The following OLFM2 variants were observed in gnomAD, a reference collection of about 807,000 sequenced individuals.
The protein encoded by OLFM2 is noelin-2.
Under a neutral mutation model 43.9 loss-of-function variants are expected in OLFM2, and 20 were observed. The observed-to-expected ratio is 0.46, with a 90% CI of 0.32 to 0.66. The LOEUF (loss-of-function observed/expected upper bound fraction) is 0.66, where lower values mean the gene tolerates loss of function less well. Among genes scored for constraint, OLFM2 ranks in the 30% least tolerant of loss-of-function variants. The pLI is 0.04. For missense variants in OLFM2, 416 were observed against 643.6 expected (o/e 0.65, Z 3.83); for synonymous variants, 268 against 278.6 (o/e 0.96, Z 0.38).
chr19:9,919,897 T>C (rs539546845), intron 1 of OLFM2, among the ~76,000 whole-genome samples: 55 of 149,224 alleles, frequency 3.7e-4, no homozygotes, highest in African/African-American at 1.3e-3. Flanking sequence ...AGGGTTCAAG[T>C]GATTCTCGTG....
intron 2 of OLFM2, chr19:9,858,150 C>A (rs1239302957): frequency 1.2e-5 from 6 of 506,426 alleles, no homozygotes; most frequent in African/African-American, 1.9e-5. Flanking sequence ...ATTCTCTACA[C>A]AGCAGACAGA....
intron 1 of OLFM2, among the ~76,000 whole-genome samples, chr19:9,868,634 G>GT (rs2046420343): frequency 6.6e-6 from 1 of 151,704 alleles, no homozygotes; most frequent in Non-Finnish European, 1.5e-5. Flanking sequence ...CAATGAACGT[G>GT]TATTGTTCTT....
intron 1 of OLFM2, among the ~76,000 whole-genome samples, chr19:9,933,365 TA>T (rs2086495562): frequency 6.6e-6 from 1 of 151,992 alleles, no homozygotes; most frequent in Admixed American, 6.6e-5. Context: ...GCCTCCTGAA[TA>T]GCTGGGACTA....
At chr19:9,936,205 G>T (rs1296757710) in intron 1 of OLFM2, 99 bp downstream of exon 1, 27 of 1,323,970 alleles carry the variant, frequency 2.0e-5, no homozygotes, top group Admixed American at 8.3e-5. Flanking sequence ...CAGCTGGGGG[G>T]GCTTGTGGAG....
intron 1 of OLFM2, among the ~76,000 whole-genome samples, chr19:9,876,294 A>T (rs1041546437): frequency 6.6e-6 from 1 of 152,174 alleles, no homozygotes; most frequent in Non-Finnish European, 1.5e-5. Flanking sequence ...CATGGGGGAC[A>T]TTTAACTTCC....
intron 2 of OLFM2, among the ~76,000 whole-genome samples, chr19:9,858,355 G>T (rs1245161178): frequency 6.6e-6 from 1 of 151,738 alleles, no homozygotes; most frequent in African/African-American, 2.4e-5. Flanking sequence ...TCCCATGGCT[G>T]GCTCCTTCTC....
chr19:9,907,734 T>G (rs1229374020), intron 1 of OLFM2, among the ~76,000 whole-genome samples: 3 of 152,092 alleles, frequency 2.0e-5, no homozygotes, highest in Admixed American at 2.0e-4. Context: ...CCGGGCATGG[T>G]GGCTTATGCC....
intron 2 of OLFM2, among the ~76,000 whole-genome samples, chr19:9,859,407 C>T (rs1389766862): frequency 1.3e-5 from 2 of 152,168 alleles, no homozygotes; most frequent in East Asian, 3.9e-4. Context: ...ACCTCCACCT[C>T]CCGGGTTCAA....
intron 1 of OLFM2, among the ~76,000 whole-genome samples, chr19:9,879,524 C>G (rs529654490): frequency 7.2e-5 from 11 of 152,232 alleles, no homozygotes; most frequent in Admixed American, 7.2e-4. Flanking sequence ...TCCCTTTCAC[C>G]CCCTGCCATG....
intron 1 of OLFM2, among the ~76,000 whole-genome samples, chr19:9,895,892 T>C (rs1348016257): frequency 6.6e-6 from 1 of 152,070 alleles, no homozygotes; most frequent in Non-Finnish European, 1.5e-5. Context: ...CGCCTTGGCC[T>C]CTGAAAGCTG....
At position 9,893,465 on chromosome 19, in the gene OLFM2, A is replaced by T. The variant is rs540436819; in HGVS notation, c.64-32671T>A. ...CAGGCGTGAGCCACCGCACCCGGCC[A>T]ATCATGGAGCATCTTAACACCTTGG... On this transcript the variant is annotated intron_variant, in intron 1 of 5. Transcript: ENST00000264833. Among the ~76,000 whole-genome samples, 11 of 152,174 alleles carry T rather than the reference A, an allele frequency of 7.2e-5. No individual in the cohort carries two copies. In the East Asian group the frequency reaches 2.1e-3, roughly 29 times the overall value.
At chr19:9,930,425 A>G (rs942313334) in intron 1 of OLFM2, among the ~76,000 whole-genome samples, 1 of 152,100 alleles carries the variant, frequency 6.6e-6, no homozygotes, top group Non-Finnish European at 1.5e-5. Context: ...ACTCTGTACC[A>G]TGTACCTGTC....
chr19:9,863,869 A>G (rs1310795282), intron 1 of OLFM2, among the ~76,000 whole-genome samples: 1 of 152,242 alleles, frequency 6.6e-6, no homozygotes, highest in East Asian at 1.9e-4. Context: ...TGAAACTATT[A>G]CAGTCAGTCA....
chr19:9,907,385 G>T (rs537967564), intron 1 of OLFM2, among the ~76,000 whole-genome samples: 1 of 151,968 alleles, frequency 6.6e-6, no homozygotes, highest in Admixed American at 6.6e-5. Context: ...AACCCGGGAG[G>T]TGATTGAGGG....
At chr19:9,921,159 C>T (rs962894636) in intron 1 of OLFM2, among the ~76,000 whole-genome samples, 1 of 152,160 alleles carries the variant, frequency 6.6e-6, no homozygotes, top group Non-Finnish European at 1.5e-5. Context: ...TACCGTCACC[C>T]AGGCTGGAGT....
At chr19:9,896,577 C>CT (rs2046687195) in intron 1 of OLFM2, among the ~76,000 whole-genome samples, 1 of 152,168 alleles carries the variant, frequency 6.6e-6, no homozygotes, top group Non-Finnish European at 1.5e-5. Flanking sequence ...GCAAGGCCTT[C>CT]TTTAGTCCAT....
chr19:9,915,228 C>G (rs984501242), intron 1 of OLFM2, among the ~76,000 whole-genome samples: 1 of 129,152 alleles, frequency 7.7e-6, no homozygotes, highest in Non-Finnish European at 1.6e-5. Flanking sequence ...TATTCTTTTT[C>G]TTTTCTCTCT....
At chr19:9,914,151 G>T (rs1228978931) in intron 1 of OLFM2, among the ~76,000 whole-genome samples, 1 of 151,730 alleles carries the variant, frequency 6.6e-6, no homozygotes, top group South Asian at 2.1e-4. Context: ...CTTCGAGCCT[G>T]AGCCGCGGGA....
At chr19:9,905,317 C>T (rs973639517) in intron 1 of OLFM2, among the ~76,000 whole-genome samples, 3 of 151,922 alleles carry the variant, frequency 2.0e-5, no homozygotes, top group South Asian at 2.1e-4. Flanking sequence ...ATTAGCCGGG[C>T]GTAGTGGTGG....
Sources: gnomAD v4.1 joint callset for allele counts (sites outside exome capture counted in the v4.1 genomes callset) on GRCh38, gnomAD v4.1.1 for gene constraint, MANE v1.5 for transcripts, NCBI Gene and HGNC (gene_info 2026-07-23, HGNC 2026-07-21) for gene names.